The following CPLANE1 variants were observed in gnomAD, a reference collection of about 807,000 sequenced individuals.
CPLANE1 encodes the protein ciliogenesis and planar polarity effector 1.
In CPLANE1, 263 loss-of-function variants were observed where a neutral mutation model predicts 362.5. That is an observed-to-expected ratio of 0.73 (90% CI 0.66 to 0.80). CPLANE1 has a LOEUF of 0.80. CPLANE1 is among the 30% of genes least tolerant of loss of function. The pLI is 0.00. For synonymous variants in CPLANE1, 1,212 were observed against 1,302.6 expected, an observed-to-expected ratio of 0.93 and a Z score of 1.50; for missense variants, 3,461 against 3,793.4, an observed-to-expected ratio of 0.91 and a Z score of 2.30.
chr5:37,175,794 A>G, intron 31 of CPLANE1, 115 bp downstream of exon 31: 1 of 698,248 alleles, frequency 1.4e-6, no homozygotes. Context: ...CATTTTTCTT[A>G]GTTTTTAGTC....
intron 4 of CPLANE1, 84 bp downstream of exon 4, chr5:37,245,395 T>G: frequency 9.1e-7 from 1 of 1,095,108 alleles, no homozygotes; most frequent in Non-Finnish European, 1.2e-6. Context: ...AAATACATTT[T>G]CAAGACAGTA....
chr5:37,194,935 G>A (rs923164267), intron 21 of CPLANE1, among the ~76,000 whole-genome samples: 6 of 151,378 alleles, frequency 4.0e-5, no homozygotes, highest in Admixed American at 6.6e-5. Context: ...GGTGGATCAC[G>A]AGGTCAGGAG....
chr5:37,143,389 T>C (rs556971132), intron 43 of CPLANE1, among the ~76,000 whole-genome samples: 1 of 152,058 alleles, frequency 6.6e-6, no homozygotes, highest in South Asian at 2.1e-4. Flanking sequence ...TGACTGAAAT[T>C]ATGAAACAGA....
At chr5:37,157,207 G>A (rs764106448) in intron 41 of CPLANE1, 106 bp downstream of exon 41, 1 of 480,790 alleles carries the variant, frequency 2.1e-6, no homozygotes, top group Non-Finnish European at 3.7e-6. Context: ...CCTTAGCAAG[G>A]GACAACCCTT....
chr5:37,117,961 C>T (rs981678335), intron 50 of CPLANE1, among the ~76,000 whole-genome samples: 2 of 152,160 alleles, frequency 1.3e-5, no homozygotes, highest in Admixed American at 1.3e-4. Context: ...TTTTTAAAAC[C>T]TTGACAATTT....
intron 15 of CPLANE1, among the ~76,000 whole-genome samples, chr5:37,217,387 C>A (rs1278457831): frequency 6.6e-6 from 1 of 151,998 alleles, no homozygotes; most frequent in East Asian, 1.9e-4. Flanking sequence ...AGGTGGATCA[C>A]CTGAGGTCAG....
Position 37,169,625 on chromosome 5 carries a change from G to A in CPLANE1, c.6463-64C>T, listed in dbSNP as rs76851468. The A allele has an allele frequency of 2.0e-4, 284 of 1,402,168 alleles. 1 individual carries two copies. The African/African-American group carries it at 3.7e-3, about 18-fold the overall frequency. The allele number at this position is 1,402,168 out of a possible 1,614,324, so 86.9% of individuals were successfully genotyped here. ...ATTAGAAATTCCTTCCTTTGTAAAT[G>A]GCATTCAGTATGTTTTGCAGTGGGT... is the stretch of plus-strand genomic sequence containing the variant. On this transcript the variant is annotated intron_variant, in intron 33 of 52. Transcript: ENST00000651892.
chr5:37,086,562 C>T, the CPLANE1 span, among the ~76,000 whole-genome samples: 1 of 152,286 alleles, frequency 6.6e-6, no homozygotes, highest in South Asian at 2.1e-4. Flanking sequence ...ATCTAAATAG[C>T]TTGTTTACTC....
intron 8 of CPLANE1, among the ~76,000 whole-genome samples, chr5:37,238,339 A>AT (rs926738400): frequency 0.014 from 2,015 of 144,632 alleles, 46 homozygotes; most frequent in African/African-American, 0.044. Context: ...CACTTGGCTA[A>AT]TTTTTTTTTT....
intron 51 of CPLANE1, among the ~76,000 whole-genome samples, chr5:37,113,669 T>C (rs1053123207): frequency 6.6e-6 from 1 of 152,098 alleles, no homozygotes; most frequent in Non-Finnish European, 1.5e-5. Flanking sequence ...GGATTAGACA[T>C]AGGTAAAAAG....
chr5:37,080,563 T>C, the CPLANE1 span, among the ~76,000 whole-genome samples: 1 of 152,294 alleles, frequency 6.6e-6, no homozygotes, highest in Non-Finnish European at 1.5e-5. Flanking sequence ...CAAAAGCCCA[T>C]GTGAGAGAGT....
In CPLANE1 at chr5:37,227,603, G is replaced by A. The variant is rs1796728823; in HGVS notation, c.1336C>T (p.Leu446Phe). The A allele has an allele frequency of 6.4e-7, 1 of 1,551,010 alleles. No individual in the cohort carries two copies. Among genetic ancestry groups the A allele is most frequent in the African/African-American group, 1.4e-5 (1 of 73,006 alleles). ...ATCACACTTTGATATATTTTCTCAA[G>A]CCTCTGGGTTGAATCAAGTAGAAGT... The part of the protein sequence containing the change: ...RSLLLDSTQR[L>F]EKIYQSVILS... The change falls in exon 10 of 53, where the codon CTT becomes TTT. Residue 446 changes from leucine (L) to phenylalanine (F), a missense_variant. By Grantham distance (22) the Leu-to-Phe change is conservative. Transcript: ENST00000651892.
Position 37,121,253 on chromosome 5 carries a change from G to A in CPLANE1, c.9185+364C>T, listed in dbSNP as rs540955505. On this transcript the variant is annotated intron_variant, in intron 49 of 52. Transcript: ENST00000651892. ...AGTGGTAAGCAGCTGGGGACTGGCT[G>A]TTTCTGAAAGAGAGAAGATGACACA... 3.9e-5 allele frequency among the ~76,000 whole-genome samples: 6 copies of A among 152,288 alleles called. No homozygotes were observed. The East Asian group carries it at 1.2e-3, about 29-fold the overall frequency.
chr5:37,168,516 T>A (rs1220454099), intron 34 of CPLANE1, among the ~76,000 whole-genome samples: 5 of 152,228 alleles, frequency 3.3e-5, no homozygotes, highest in African/African-American at 4.8e-5. Flanking sequence ...AATTTTTTTT[T>A]AATAGAGACA....
In CPLANE1 at chr5:37,244,554, G is replaced by A. The variant is rs780883640; in HGVS notation, c.391C>T (p.Leu131Phe). The change falls in exon 5 of 53, where the codon CTC (leucine) becomes TTC (phenylalanine). Residue 131 changes from leucine to phenylalanine, a missense_variant. By Grantham distance (22) the Leu-to-Phe change is conservative (BLOSUM62 0). Coordinates refer to ENST00000651892, the MANE Select transcript of CPLANE1 (RefSeq NM_001384732.1). Reference sequence around the variant, plus strand: ...AATATGCATCCAGAAGGTGTTATGAGCACAATTCTTTTCCCATTTCCAGAT... The same window carrying A: ...AATATGCATCCAGAAGGTGTTATGAACACAATTCTTTTCCCATTTCCAGAT... ...YVSGNGKRIV[L>F]ITPSGCIFLW... is the part of the protein sequence containing the mutation. The A allele has an allele frequency of 2.6e-6, 4 of 1,551,236 alleles. No homozygotes were observed. Among genetic ancestry groups the A allele is most frequent in the African/African-American group, 1.4e-5 (1 of 72,942 alleles).
the CPLANE1 span, among the ~76,000 whole-genome samples, chr5:37,079,384 C>A: frequency 6.6e-6 from 1 of 152,196 alleles, no homozygotes; most frequent in African/African-American, 2.4e-5. Flanking sequence ...ATTCTTAATA[C>A]TGGGGTAATA....
intron 9 of CPLANE1, among the ~76,000 whole-genome samples, chr5:37,228,824 G>C (rs974773170): frequency 2.0e-5 from 3 of 152,014 alleles, no homozygotes; most frequent in African/African-American, 7.2e-5. Context: ...AAAAAAAGCA[G>C]TTTGGAAGGC....
rs1414918140 is a variant in CPLANE1 at position 37,138,601 on chromosome 5, A to G, written c.8792+119T>C. On this transcript the variant is annotated intron_variant, in intron 46 of 52. Transcript: ENST00000651892. The stretch of plus-strand genomic sequence containing the variant: ...ATATACATAACAAAACATGAAAAAA[A>G]AATCTATTCTAAGCTTCAGATTTGT... 2.7e-6 allele frequency: 3 copies of G among 1,130,776 alleles called. No individual in the cohort carries two copies. In the Admixed American group the frequency reaches 6.4e-5, roughly 24 times the overall value. 70.0% of individuals were successfully genotyped at this position (1,130,776 alleles called of 1,614,324 possible). A position where few individuals can be genotyped will look rare whatever the true frequency, so the allele number is the denominator to read the frequency against.
intron 8 of CPLANE1, among the ~76,000 whole-genome samples, chr5:37,237,482 G>C (rs1799262736): frequency 6.6e-6 from 1 of 152,202 alleles, no homozygotes; most frequent in African/African-American, 2.4e-5. Context: ...AAAATTATCT[G>C]TTGGGTACAA....
Sources: allele counts gnomAD v4.1 joint callset (sites outside exome capture counted in the v4.1 genomes callset), GRCh38; gene constraint gnomAD v4.1.1; transcripts MANE v1.5; gene names NCBI Gene and HGNC (gene_info 2026-07-23, HGNC 2026-07-21).